Variants in DOCK4 observed in about 807,000 individuals in gnomAD.
DOCK4 encodes dedicator of cytokinesis 4.
A neutral mutation model predicts 268.1 loss-of-function variants in DOCK4; 97 were observed. That is an observed-to-expected ratio of 0.36 (90% CI 0.31 to 0.43). The LOEUF (loss-of-function observed/expected upper bound fraction) is 0.43. Ranked by LOEUF, DOCK4 falls within the 20% of genes least tolerant of loss-of-function variation. The pLI, the probability that DOCK4 is intolerant of heterozygous loss-of-function variation, is 1.00. For missense variants in DOCK4, 2,145 were observed against 2,455.7 expected (o/e 0.87, Z 2.67); for synonymous variants, 954 against 887.2 (o/e 1.08, Z -1.34).
intron 1 of DOCK4, among the ~76,000 whole-genome samples, chr7:112,122,620 C>G (rs185547656): frequency 6.6e-6 from 1 of 152,252 alleles, no homozygotes; most frequent in East Asian, 1.9e-4. Flanking sequence ...AAAGCTCAAT[C>G]TGAGTTTTAA....
intron 1 of DOCK4, among the ~76,000 whole-genome samples, chr7:112,021,388 T>C (rs1333655870): frequency 6.6e-6 from 1 of 152,218 alleles, no homozygotes; most frequent in Non-Finnish European, 1.5e-5. Flanking sequence ...AAGGGGTAGA[T>C]ACAACTGAAA....
chr7:112,127,665 AT>A (rs1813366229), intron 1 of DOCK4, among the ~76,000 whole-genome samples: 1 of 152,194 alleles, frequency 6.6e-6, no homozygotes, highest in African/African-American at 2.4e-5. Flanking sequence ...AAAAATAAAA[AT>A]AAAAATAAAA....
At chr7:112,006,094 A>G (rs1437261279) in intron 1 of DOCK4, among the ~76,000 whole-genome samples, 3 of 152,044 alleles carry the variant, frequency 2.0e-5, no homozygotes, top group South Asian at 2.1e-4. Flanking sequence ...TTCTCCAGAC[A>G]CTCAAGTGTA....
At chr7:111,740,565 T>C (rs1373150396) in intron 47 of DOCK4, among the ~76,000 whole-genome samples, 1 of 149,570 alleles carries the variant, frequency 6.7e-6, no homozygotes, top group Non-Finnish European at 1.5e-5. Flanking sequence ...AAACCCCGTC[T>C]CTACTAAAAA....
chr7:112,128,202 A>T (rs1349205212), intron 1 of DOCK4, among the ~76,000 whole-genome samples: 1 of 152,232 alleles, frequency 6.6e-6, no homozygotes, highest in Non-Finnish European at 1.5e-5. Flanking sequence ...CTGTAACCAG[A>T]TGACCTTCTC....
chr7:111,931,136 GAGCAGACAGGGCTTTGT>G (rs1199182091), intron 12 of DOCK4, among the ~76,000 whole-genome samples: 2 of 152,152 alleles, frequency 1.3e-5, no homozygotes, highest in Non-Finnish European at 2.9e-5. Flanking sequence ...AAGGACAGCG[GAGCAGACAGGGCTTTGT>G]AGCAGAAGCC....
At chr7:112,121,729 A>G (rs896436273) in intron 1 of DOCK4, among the ~76,000 whole-genome samples, 1 of 152,222 alleles carries the variant, frequency 6.6e-6, no homozygotes, top group East Asian at 1.9e-4. Context: ...GGACCAACAT[A>G]CAGATATTCA....
At chr7:111,950,625 AT>A (rs1795982098) in intron 8 of DOCK4, among the ~76,000 whole-genome samples, 1 of 152,246 alleles carries the variant, frequency 6.6e-6, no homozygotes, top group Non-Finnish European at 1.5e-5. Context: ...TAACACTCAA[AT>A]AACTGGAAAG....
At chr7:111,984,209 G>T in intron 7 of DOCK4, 97 bp downstream of exon 7, 1 of 1,101,676 alleles carries the variant, frequency 9.1e-7, no homozygotes. Flanking sequence ...ATTAATCCTG[G>T]AACATCCTGT....
intron 41 of DOCK4, among the ~76,000 whole-genome samples, chr7:111,758,118 A>G (rs763203433): frequency 6.6e-6 from 1 of 152,190 alleles, no homozygotes; most frequent in Non-Finnish European, 1.5e-5. Context: ...ACACTGTTCT[A>G]ACAAGAACAA....
chr7:112,136,585 A>T (rs542796861), intron 1 of DOCK4, among the ~76,000 whole-genome samples: 1 of 152,352 alleles, frequency 6.6e-6, no homozygotes, highest in South Asian at 2.1e-4. Flanking sequence ...GGCGGAAGAC[A>T]AAAGACTGGA....
chr7:112,135,067 C>A (rs1369636354), intron 1 of DOCK4, among the ~76,000 whole-genome samples: 5 of 152,008 alleles, frequency 3.3e-5, no homozygotes, highest in Non-Finnish European at 7.4e-5. Context: ...AAAGTCCTTT[C>A]TGTATAATTT....
chr7:111,979,450 T>C (rs945347481), intron 7 of DOCK4, among the ~76,000 whole-genome samples: 3 of 149,678 alleles, frequency 2.0e-5, no homozygotes. Flanking sequence ...TTGTTTTCTA[T>C]AAAGGTTGCT....
rs976063745 is a variant in DOCK4, at chr7:111,926,121, AAAG to A, written c.1066+9416_1066+9418del. ...GAAAGAGAGAGAGAGAGAAAGAGAA[AAAG>A]AAAGAAAGAAAGAAAGAAAGAAAAA... On this transcript the variant is annotated intron_variant, in intron 12 of 52. Transcript: ENST00000428084. 1.3e-3 allele frequency among the ~76,000 whole-genome samples: 125 copies of A among 94,760 alleles called. 2 individuals are homozygous for A. In the East Asian group the frequency reaches 0.021, roughly 16 times the overall value. The allele number at this position is 94,760 out of a possible 152,430, so 62.2% of individuals were successfully genotyped here. A position where few individuals can be genotyped will look rare whatever the true frequency, so the allele number is the denominator to read the frequency against.
intron 12 of DOCK4, among the ~76,000 whole-genome samples, chr7:111,930,244 A>G (rs1284129073): frequency 1.3e-5 from 2 of 152,242 alleles, no homozygotes; most frequent in Non-Finnish European, 2.9e-5. Context: ...TTAAAAAGTT[A>G]AATGGATTGC....
intron 4 of DOCK4, among the ~76,000 whole-genome samples, chr7:111,995,999 G>A (rs531205469): frequency 2.0e-5 from 3 of 152,272 alleles, no homozygotes; most frequent in Non-Finnish European, 2.9e-5. Context: ...TTGAAGCAGC[G>A]TTTGCAATTT....
At chr7:112,030,455 T>C (rs533994617) in intron 1 of DOCK4, among the ~76,000 whole-genome samples, 75 of 152,324 alleles carry the variant, frequency 4.9e-4, no homozygotes, top group Middle Eastern at 3.4e-3. Context: ...ACAAAAATCA[T>C]GAAACAGGAG....
At chr7:111,927,506 A>T (rs964072331) in intron 12 of DOCK4, among the ~76,000 whole-genome samples, 1 of 152,244 alleles carries the variant, frequency 6.6e-6, no homozygotes, top group Non-Finnish European at 1.5e-5. Context: ...TGATGAGAGC[A>T]TTCGAAGGGA....
chr7:112,161,318 G>A (rs959712944), intron 1 of DOCK4, among the ~76,000 whole-genome samples: 9 of 152,228 alleles, frequency 5.9e-5, no homozygotes, highest in African/African-American at 1.7e-4. Context: ...CAAAATCCAC[G>A]TAAGAAAATT....
Sources: gnomAD v4.1 joint callset for allele counts (sites outside exome capture counted in the v4.1 genomes callset) on GRCh38, gnomAD v4.1.1 for gene constraint, MANE v1.5 for transcripts, NCBI Gene and HGNC (gene_info 2026-07-23, HGNC 2026-07-21) for gene names.